ANKH: variants seen among roughly 807,000 people sequenced by gnomAD.
ANKH encodes the protein ANKH inorganic pyrophosphate transport regulator.
ANKH carries 15 observed loss-of-function variants against 49.0 expected under a neutral mutation model. That is an observed-to-expected ratio of 0.31 (90% CI 0.20 to 0.47). The LOEUF (loss-of-function observed/expected upper bound fraction) is 0.47. Among genes scored for constraint, ANKH ranks in the 20% least tolerant of loss-of-function variants. ANKH has a pLI of 1.00. For missense variants in ANKH, 429 were observed against 652.0 expected (o/e 0.66, Z 3.72); for synonymous variants, 273 against 260.0 (o/e 1.05, Z -0.48).
intron 1 of ANKH, among the ~76,000 whole-genome samples, chr5:14,842,114 A>T (rs1167206102): frequency 6.6e-6 from 1 of 152,232 alleles, no homozygotes; most frequent in Non-Finnish European, 1.5e-5. Flanking sequence ...TAGGAAAGAG[A>T]TATATAGGAG....
chr5:14,868,271 T>C (rs567724310), intron 1 of ANKH: 3 of 152,316 alleles, frequency 2.0e-5, no homozygotes, highest in African/African-American at 7.2e-5. Flanking sequence ...AACCATAAAC[T>C]GTGATATTTA....
chr5:14,769,530 C>G lies in ANKH; in HGVS notation c.97-339G>C, dbSNP rs370913833. On this transcript the variant is annotated intron_variant, in intron 1 of 11. Transcript: ENST00000284268. ...AAACAAAAATGTTAAATTTTGTTTG[C>G]AGGCTGAATTGACATAATGGCAAGA... Among the ~76,000 whole-genome samples, 9 of 152,038 alleles carry G rather than the reference C, an allele frequency of 5.9e-5. No homozygotes were observed. In the South Asian group the frequency reaches 1.7e-3, roughly 28 times the overall value.
chr5:14,832,916 A>G (rs78158573), intron 1 of ANKH, among the ~76,000 whole-genome samples: 2,426 of 152,334 alleles, frequency 0.016, 68 homozygotes, highest in African/African-American at 0.055. Context: ...GTCTGCAAAA[A>G]TTATTACTAG....
intron 8 of ANKH, among the ~76,000 whole-genome samples, chr5:14,722,196 G>A (rs941236745): frequency 1.3e-5 from 2 of 152,132 alleles, no homozygotes; most frequent in Non-Finnish European, 2.9e-5. Context: ...ATGATGTGCT[G>A]TGTTCCTCAA....
At chr5:14,777,146 G>C (rs978191824) in intron 1 of ANKH, among the ~76,000 whole-genome samples, 5 of 61,164 alleles carry the variant, frequency 8.2e-5, no homozygotes, top group African/African-American at 2.9e-4. Context: ...TTAGCCGGGC[G>C]TGGTGGGGGG....
intron 1 of ANKH, chr5:14,798,536 G>A: frequency 1.5e-6 from 1 of 662,864 alleles, no homozygotes; most frequent in African/African-American, 1.8e-5. Flanking sequence ...GCAACCCTGT[G>A]TCAAGCAAGT....
At position 14,755,953 on chromosome 5, in the gene ANKH, A is replaced by C. The variant is rs1245791032; in HGVS notation, c.433-9T>G. 5 of 1,613,136 alleles carry C rather than the reference A, an allele frequency of 3.1e-6. No homozygotes were observed. The highest frequency in any genetic ancestry group is 2.5e-6 in the Non-Finnish European group (3 of 1,179,134). On this transcript the variant is annotated splice_polypyrimidine_tract_variant and intron_variant, in intron 3 of 11. Transcript: ENST00000284268. ...CCAGCATGGGTCCATGCCTGCCAGAAAGAAAAGAATTTGGCATGAGATACA... is the reference window on the plus strand; with the variant it reads ...CCAGCATGGGTCCATGCCTGCCAGACAGAAAAGAATTTGGCATGAGATACA...
chr5:14,774,936 A>T lies in ANKH; in HGVS notation c.97-5745T>A, dbSNP rs181570072. Among the ~76,000 whole-genome samples, 31 of 152,324 alleles carry T rather than the reference A, an allele frequency of 2.0e-4. No individual in the cohort carries two copies. The East Asian group carries it at 5.8e-3, about 28-fold the overall frequency. On this transcript the variant is annotated intron_variant, in intron 1 of 11. Transcript: ENST00000284268. ...TGTACTGAAGACAAAAAAAAAATAC[A>T]TAGGTGCCCCTTATTCACAGAAAGT...
At chr5:14,815,318 C>G (rs1442330670) in intron 1 of ANKH, among the ~76,000 whole-genome samples, 2 of 152,170 alleles carry the variant, frequency 1.3e-5, no homozygotes, top group Non-Finnish European at 2.9e-5. Context: ...AGATTTCCCC[C>G]CAAAACCCCA....
At chr5:14,747,796 C>T (rs1369445240) in intron 6 of ANKH, among the ~76,000 whole-genome samples, 2 of 152,104 alleles carry the variant, frequency 1.3e-5, no homozygotes, top group Non-Finnish European at 2.9e-5. Context: ...GCGTGCTGTG[C>T]TAGAACAAAA....
At chr5:14,844,556 T>C (rs527632694) in intron 1 of ANKH, among the ~76,000 whole-genome samples, 23 of 152,328 alleles carry the variant, frequency 1.5e-4, no homozygotes, top group Non-Finnish European at 2.5e-4. Context: ...TTAGGGTGTT[T>C]TAGCTACAAG....
rs141377885 is a variant in ANKH, at chr5:14,713,642, C to T, written c.1167G>A (p.Gly389=). 5 of 1,614,170 alleles carry T rather than the reference C, an allele frequency of 3.1e-6. No homozygotes were observed. The highest frequency in any genetic ancestry group is 3.4e-6 in the Non-Finnish European group (4 of 1,180,046). The change falls in exon 10 of 12, where the codon GGG becomes GGA. Residue 389 remains glycine, a synonymous_variant. Coordinates refer to ENST00000284268, the MANE Select transcript of ANKH (RefSeq NM_054027.6). This position sits in a 1 kb window ranked among gnomAD's most constrained non-coding sequence, Gnocchi z 4.4. The part of the protein sequence containing the change: ...VPVTVRAHLT[G]WLMTLKKTFV... The stretch of plus-strand genomic sequence containing the variant: ...AGGTTTTCTTCAGTGTCATCAGCCA[C>T]CCGGTGAGATGCGCCCTCACTGTGA...
chr5:14,850,706 C>G (rs1224612766), intron 1 of ANKH, among the ~76,000 whole-genome samples: 9 of 152,242 alleles, frequency 5.9e-5, no homozygotes, highest in Non-Finnish European at 1.0e-4. Context: ...GAAAGGAACC[C>G]TTTACAAAGG....
intron 6 of ANKH, among the ~76,000 whole-genome samples, chr5:14,747,248 T>C (rs1738568204): frequency 6.6e-6 from 1 of 152,194 alleles, no homozygotes; most frequent in Non-Finnish European, 1.5e-5. Context: ...ATTAAATACA[T>C]ATTTTGTGCA....
intron 1 of ANKH, among the ~76,000 whole-genome samples, chr5:14,845,438 T>C (rs1036944275): frequency 9.2e-5 from 14 of 151,918 alleles, no homozygotes; most frequent in African/African-American, 3.4e-4. Flanking sequence ...AAATGGTAAG[T>C]GTGTTTAGAA....
At chr5:14,805,021 G>T (rs1740663792) in intron 1 of ANKH, among the ~76,000 whole-genome samples, 1 of 152,144 alleles carries the variant, frequency 6.6e-6, no homozygotes. Context: ...AACTTAATTG[G>T]ATTGAAGGAT....
intron 2 of ANKH, among the ~76,000 whole-genome samples, chr5:14,760,741 G>C (rs1739048302): frequency 6.6e-6 from 1 of 152,184 alleles, no homozygotes; most frequent in Non-Finnish European, 1.5e-5. Flanking sequence ...GGCTGGCTAG[G>C]AATAGCTCAT....
intron 1 of ANKH, among the ~76,000 whole-genome samples, chr5:14,793,019 T>TATAAATATATATATAA (rs1561057762): frequency 0.012 from 909 of 78,898 alleles, 16 homozygotes; most frequent in Non-Finnish European, 0.018. Flanking sequence ...TATATATATA[T>TATAAATATATATATAA]AAATATATAT....
chr5:14,837,222 G>T (rs1741681467), intron 1 of ANKH, among the ~76,000 whole-genome samples: 1 of 152,128 alleles, frequency 6.6e-6, no homozygotes, highest in Non-Finnish European at 1.5e-5. Context: ...AGGACTTCAT[G>T]ACTAAAAAAC....
Sources: allele counts gnomAD v4.1 joint callset (sites outside exome capture counted in the v4.1 genomes callset), GRCh38; gene constraint gnomAD v4.1.1; non-coding constraint Gnocchi (gnomAD v3.1); transcripts MANE v1.5; gene names NCBI Gene and HGNC (gene_info 2026-07-23, HGNC 2026-07-21).